SULT6B1: variants seen among roughly 807,000 people sequenced by gnomAD.
SULT6B1 encodes the protein sulfotransferase 6B1.
In SULT6B1, 44 loss-of-function variants were observed where a neutral mutation model predicts 37.2. The ratio of observed to expected loss-of-function variants is 1.18; its 90% CI spans 0.93 to 1.52. SULT6B1 has a LOEUF of 1.52. Ranked by LOEUF, SULT6B1 falls within the 40% of genes most tolerant of loss-of-function variation. SULT6B1 has a pLI of 0.00. For synonymous variants in SULT6B1, 140 were observed against 126.0 expected (o/e 1.11, Z -0.74); for missense variants, 450 against 361.0 (o/e 1.25, Z -2.00).
At chr2:37,180,152 G>A (rs915015534) in intron 3 of SULT6B1, among the ~76,000 whole-genome samples, 2 of 152,186 alleles carry the variant, frequency 1.3e-5, no homozygotes, top group Admixed American at 6.5e-5. Context: ...CCAAAAGATT[G>A]CAGAGGATCA....
At chr2:37,172,319 T>C (rs1357648575) in intron 5 of SULT6B1, among the ~76,000 whole-genome samples, 1 of 152,184 alleles carries the variant, frequency 6.6e-6, no homozygotes, top group Non-Finnish European at 1.5e-5. Context: ...GAGAGCAGGC[T>C]ATAGAATACA....
upstream of SULT6B1, among the ~76,000 whole-genome samples, chr2:37,190,162 T>C (rs191853836): frequency 2.6e-5 from 4 of 152,360 alleles, no homozygotes; most frequent in African/African-American, 7.2e-5. Flanking sequence ...CTATATCCTA[T>C]CTGGTACATT....
chr2:37,193,594 G>T (rs867969451), upstream of SULT6B1, among the ~76,000 whole-genome samples: 1 of 107,070 alleles, frequency 9.3e-6, no homozygotes, highest in Non-Finnish European at 2.0e-5. Context: ...AGAAGAAGAA[G>T]AAAAAGAAGA....
intron 2 of SULT6B1, 55 bp from the exon 3 acceptor site, chr2:37,183,569 T>TG: frequency 7.4e-7 from 1 of 1,355,972 alleles, no homozygotes. Context: ...TGTGTGTGTG[T>TG]GTGTTGAATC....
At chr2:37,170,583 A>C (rs1270623082) in intron 6 of SULT6B1, among the ~76,000 whole-genome samples, 2 of 151,728 alleles carry the variant, frequency 1.3e-5, no homozygotes, top group African/African-American at 4.8e-5. Context: ...AGCCTGGCCA[A>C]TATGGCAAAA....
At position 37,187,436 on chromosome 2, in the gene SULT6B1, T is replaced by C. The variant is rs1265660506; in HGVS notation, c.231A>G (p.Glu77=). ...TTTTTTTAGAAACAGCATATATTAA[T>C]TCACTGACAATGTGGAGAATCCAGT... ...GSNWILHIVS[E]LIYAVSKKKY... The change falls in exon 2 of 7, where the codon GAA becomes GAG. Residue 77 remains glutamate (E), a synonymous_variant. Coordinates refer to ENST00000535679, the MANE Select transcript of SULT6B1 (RefSeq NM_001367551.1). 2 of 1,605,170 alleles carry C rather than the reference T, an allele frequency of 1.2e-6. No homozygotes were observed. The highest frequency in any genetic ancestry group is 1.7e-6 in the Non-Finnish European group (2 of 1,174,120).
rs181947627 is a variant in SULT6B1 at position 37,194,619 on chromosome 2, T to A, written c.-22+1897A>T. ...GATCTCTTTGAGTGCCTGAGGGACA[T>A]GCTTCTTGAAGCCCACTCTGTGGAT... is the stretch of plus-strand genomic sequence containing the variant. On this transcript the variant is annotated intron_variant, in intron 1 of 7. Coordinates refer to the SULT6B1 transcript ENST00000407963. The A allele has an allele frequency of 8.9e-4, 310 of 348,832 alleles. 1 individual carries two copies. Among genetic ancestry groups the A allele is most frequent in the South Asian group, 1.4e-3 (59 of 40,916 alleles). 21.6% of individuals were successfully genotyped at this position (348,832 alleles called of 1,614,324 possible).
chr2:37,194,359 C>T (rs1214206550), intron 1 of SULT6B1: 2 of 342,142 alleles, frequency 5.8e-6, no homozygotes, highest in Non-Finnish European at 1.1e-5. Flanking sequence ...GGGTTACAGG[C>T]ATGAGCCACC....
Position 37,188,563 on chromosome 2 carries a change from T to C in SULT6B1, c.78A>G (p.Leu26=), listed in dbSNP as rs774343635. 13 of 1,602,510 alleles carry C rather than the reference T, an allele frequency of 8.1e-6. No individual in the cohort carries two copies. The South Asian group carries it at 1.2e-4, about 15-fold the overall frequency. Residue 26 remains leucine (L), a synonymous_variant, in exon 1 of 7, where the codon TTA becomes TTG. Transcript: ENST00000535679. ...AAGGAATCCCCTGATAGGTGAAAAA[T>C]AAATGAGAGAGTGCAGTTTCTTTTG... ...EKSKETALSH[L]FFTYQGIPYP...
upstream of SULT6B1, among the ~76,000 whole-genome samples, chr2:37,193,081 T>A (rs1263950319): frequency 6.6e-6 from 1 of 152,182 alleles, no homozygotes; most frequent in Non-Finnish European, 1.5e-5. Flanking sequence ...ATATTGGAGA[T>A]AAATTACCGC....
rs140600686 is a variant in SULT6B1, at chr2:37,188,467, G to C, written c.174C>G (p.Ile58Met). The C allele has an allele frequency of 3.1e-6, 5 of 1,613,824 alleles. No individual in the cohort carries two copies. Among genetic ancestry groups the C allele is most frequent in the Non-Finnish European group, 4.2e-6 (5 of 1,179,922 alleles). Reference sequence around the variant, plus strand: ...CGCACTTTGGATAAGATGCTAGCACGATGTCATCATGTCTGGCTTCGAAGG... The same window carrying C: ...CGCACTTTGGATAAGATGCTAGCACCATGTCATCATGTCTGGCTTCGAAGG... ...LDTFEARHDD[I>M]VLASYPKCGS... The change falls in exon 1 of 7, where the codon ATC becomes ATG. Residue 58 changes from isoleucine to methionine, a missense_variant. By Grantham distance (10) the Ile-to-Met change is conservative (BLOSUM62 1). Coordinates refer to ENST00000535679, the MANE Select transcript of SULT6B1 (RefSeq NM_001367551.1).
At chr2:37,178,256 G>C (rs917146774) in intron 4 of SULT6B1, among the ~76,000 whole-genome samples, 1 of 151,240 alleles carries the variant, frequency 6.6e-6, no homozygotes, top group African/African-American at 2.4e-5. Context: ...TTTATTTTTT[G>C]AGTTGGAGTT....
At chr2:37,187,660 T>A (rs1309464347) in intron 1 of SULT6B1, among the ~76,000 whole-genome samples, 193 bp from the exon 2 acceptor site, 1 of 152,222 alleles carries the variant, frequency 6.6e-6, no homozygotes, top group Non-Finnish European at 1.5e-5. Context: ...TTACCTATAA[T>A]TAGTATAAAA....
At chr2:37,194,524 G>T in intron 1 of SULT6B1, 1 of 387,240 alleles carries the variant, frequency 2.6e-6, no homozygotes. Context: ...CTTTGGCAAA[G>T]ACAACTTTAT....
rs748212488 is a variant in SULT6B1, at chr2:37,188,604, C to T, written c.37G>A (p.Glu13Lys). The change falls in exon 1 of 7, where the codon GAA becomes AAA. Residue 13 changes from glutamate (E) to lysine (K), a missense_variant. By Grantham distance (56) the Glu-to-Lys change is moderately conservative. Transcript: ENST00000535679. ...DKSKFIEYID[E>K]ALEKSKETAL... ...GTTTCTTTTGATTTTTCTAAAGCTTCGTCAATGTATTCAATAAATTTGGAT... is the reference window on the plus strand; with the variant it reads ...GTTTCTTTTGATTTTTCTAAAGCTTTGTCAATGTATTCAATAAATTTGGAT... 23 of 1,473,366 alleles carry T rather than the reference C, an allele frequency of 1.6e-5. No homozygotes were observed. The highest frequency in any genetic ancestry group is 1.1e-4 in the African/African-American group (8 of 72,020). 91.3% of individuals were successfully genotyped at this position (1,473,366 alleles called of 1,614,324 possible). A position where few individuals can be genotyped will look rare whatever the true frequency, so the allele number is the denominator to read the frequency against.
At chr2:37,169,158 G>C (rs1395220565) in intron 6 of SULT6B1, among the ~76,000 whole-genome samples, 1 of 152,098 alleles carries the variant, frequency 6.6e-6, no homozygotes, top group Non-Finnish European at 1.5e-5. Flanking sequence ...CCTTAGAATT[G>C]TCCTATTCTA....
intron 4 of SULT6B1, among the ~76,000 whole-genome samples, chr2:37,178,024 C>T (rs927321182): frequency 1.3e-5 from 2 of 152,054 alleles, no homozygotes; most frequent in African/African-American, 2.4e-5. Context: ...GTCACTGCCA[C>T]TTACAAGCAA....
chr2:37,178,760 T>C (rs1572459727), intron 4 of SULT6B1, among the ~76,000 whole-genome samples: 1 of 152,178 alleles, frequency 6.6e-6, no homozygotes, highest in African/African-American at 2.4e-5. Context: ...AGCAAACAAA[T>C]GTCTTAGGTA....
intron 2 of SULT6B1, among the ~76,000 whole-genome samples, chr2:37,186,621 G>A (rs1225120878): frequency 6.6e-6 from 1 of 152,150 alleles, no homozygotes; most frequent in East Asian, 1.9e-4. Flanking sequence ...GCTGGGTGCG[G>A]TGGCTCATGC....
Sources: allele counts gnomAD v4.1 joint callset (sites outside exome capture counted in the v4.1 genomes callset), GRCh38; gene constraint gnomAD v4.1.1; transcripts MANE v1.5; gene names NCBI Gene and HGNC (gene_info 2026-07-23, HGNC 2026-07-21).